Variants in IRX2 observed in about 807,000 individuals in gnomAD.
The protein encoded by IRX2 is iroquois homeobox 2.
IRX2 carries 26 observed loss-of-function variants against 42.9 expected under a neutral mutation model. That is an observed-to-expected ratio of 0.61 (90% confidence interval 0.44 to 0.84). The LOEUF (loss-of-function observed/expected upper bound fraction) is 0.84. Ranked by LOEUF, IRX2 falls within the 40% of genes least tolerant of loss-of-function variation. The pLI is 0.00. For missense variants in IRX2, 782 were observed against 713.9 expected (o/e 1.10, Z -1.09); for synonymous variants, 424 against 353.9 (o/e 1.20, Z -2.22).
the IRX2 span, chr5:2,736,952 C>T: frequency 6.6e-6 from 1 of 152,190 alleles, no homozygotes; most frequent in Admixed American, 6.5e-5. Context: ...TATCTAGCAG[C>T]TGATTTACAA....
rs1301247057 is a variant in IRX2 at position 2,748,333 on chromosome 5, C to G, written c.1363+12G>C. 13 of 1,392,604 alleles carry G rather than the reference C, an allele frequency of 9.3e-6. No homozygotes were observed. Among genetic ancestry groups the G allele is most frequent in the African/African-American group, 3.1e-5 (2 of 65,414 alleles). 86.3% of individuals were successfully genotyped at this position (1,392,604 alleles called of 1,614,324 possible). ...CTCCCCTCCCGGGCGCCGCCGGCCG[C>G]GGGCCGCCTACCTTTCTTGGGCTCG... On this transcript the variant is annotated intron_variant, in intron 3 of 3. Transcript: ENST00000302057.
rs1003126402 is a variant in IRX2 at position 2,751,044 on chromosome 5, G to C, written c.249+121C>G. 2 of 1,125,156 alleles carry C rather than the reference G, an allele frequency of 1.8e-6. No individual in the cohort carries two copies. Among genetic ancestry groups the C allele is most frequent in the African/African-American group, 1.6e-5 (1 of 60,988 alleles). The allele number at this position is 1,125,156 out of a possible 1,614,324, so 69.7% of individuals were successfully genotyped here. A position where few individuals can be genotyped will look rare whatever the true frequency, so the allele number is the denominator to read the frequency against. ...GCGGCCAACCGAGCCGGCGACTCCT[G>C]AGTCGCCAGCCGCGCCACATTCCCG... On this transcript the variant is annotated intron_variant, in intron 1 of 3. Transcript: ENST00000302057. The surrounding 1 kb of genome is among the most constrained non-coding windows in gnomAD (Gnocchi z 4.0).
At position 2,746,988 on chromosome 5, in the gene IRX2, T is replaced by C. The variant is rs1298021374; in HGVS notation, c.*576A>G. 2.0e-5 allele frequency: 3 copies of C among 152,266 alleles called. No individual in the cohort carries two copies. Among genetic ancestry groups the C allele is most frequent in the Admixed American group, 6.6e-5 (1 of 15,264 alleles). The allele number at this position is 152,266 out of a possible 1,614,324, so 9.4% of individuals were successfully genotyped here. A position where few individuals can be genotyped will look rare whatever the true frequency, so the allele number is the denominator to read the frequency against. ...GGAGAATGTCAGAGTCCTGTCCACT[T>C]GGACATGGGTGGAGGGGAGGTTGGA... On this transcript the variant is annotated 3_prime_UTR_variant, in exon 4 of 4. Transcript: ENST00000302057.
At chr5:2,745,559 C>A (rs1193378086), downstream of IRX2, among the ~76,000 whole-genome samples, 2 of 152,142 alleles carry the variant, frequency 1.3e-5, no homozygotes, top group African/African-American at 2.4e-5. Flanking sequence ...TTAAAGGTTT[C>A]TTTTCCCCCA....
At chr5:2,742,839 C>T (rs2111436532), downstream of IRX2, among the ~76,000 whole-genome samples, 1 of 152,118 alleles carries the variant, frequency 6.6e-6, no homozygotes, top group South Asian at 2.1e-4. Context: ...TTTAATTAGG[C>T]TGTAACAGTG....
chr5:2,738,732 T>G, the IRX2 span, among the ~76,000 whole-genome samples: 2 of 151,530 alleles, frequency 1.3e-5, no homozygotes, highest in African/African-American at 4.9e-5. Context: ...CGCTTGGGCC[T>G]CCCTCCTCCT....
Position 2,748,439 on chromosome 5 carries a change from G to T in IRX2, c.1269C>A (p.Thr423=), listed in dbSNP as rs768779959. The T allele has an allele frequency of 9.0e-6, 14 of 1,554,548 alleles. No homozygotes were observed. Among genetic ancestry groups the T allele is most frequent in the African/African-American group, 1.4e-5 (1 of 70,146 alleles). The change falls in exon 3 of 4, where the codon ACC becomes ACA. Residue 423 remains threonine, a synonymous_variant. Coordinates refer to ENST00000302057, the MANE Select transcript of IRX2 (RefSeq NM_033267.5). ...CCGCGTCGCTGGCCGCCTTTGGCGCGGTGTGCAGGGCCTCGCCGGGGGCCG... is the reference window on the plus strand; with the variant it reads ...CCGCGTCGCTGGCCGCCTTTGGCGCTGTGTGCAGGGCCTCGCCGGGGGCCG... The part of the protein sequence containing the change: ...AAAAPGEALH[T]APKAASDAGK...
rs1442597646 is a variant in IRX2 at position 2,748,739 on chromosome 5, G to A, written c.969C>T (p.Pro323=). The part of the protein sequence containing the change: ...GSRTSPGAPP[P]ASKPKLWSLA... Reference sequence around the variant, plus strand: ...GCGACCACAGCTTGGGCTTGCTGGCGGGGGGCGGCGCGCCCGGAGACGTCC... The same window carrying A: ...GCGACCACAGCTTGGGCTTGCTGGCAGGGGGCGGCGCGCCCGGAGACGTCC... The change falls in exon 3 of 4, where the codon CCC becomes CCT. Residue 323 remains proline (P), a synonymous_variant. Transcript: ENST00000302057. 3.1e-5 allele frequency: 43 copies of A among 1,367,064 alleles called. No individual in the cohort carries two copies. Among genetic ancestry groups the A allele is most frequent in the Non-Finnish European group, 3.9e-5 (42 of 1,065,692 alleles). 84.7% of individuals were successfully genotyped at this position (1,367,064 alleles called of 1,614,324 possible). A position where few individuals can be genotyped will look rare whatever the true frequency, so the allele number is the denominator to read the frequency against.
chr5:2,750,348 C>T (rs184954822), intron 1 of IRX2, among the ~76,000 whole-genome samples: 1 of 152,268 alleles, frequency 6.6e-6, no homozygotes, highest in Non-Finnish European at 1.5e-5. Flanking sequence ...GAGGCATTTG[C>T]AGCCTTCGCC....
chr5:2,749,567 G>A lies in IRX2; in HGVS notation c.470C>T (p.Thr157Ile). ...GAACCAGGTGGAGACCTGGGTGAGG[G>A]TCATCTTGGTGATGATGGCTAGCAT... ...KIMLAIITKM[T>I]LTQVSTWFAN... Residue 157 changes from threonine (T) to isoleucine (I), a missense_variant, in exon 2 of 4, where the codon ACC becomes ATC. Around this residue, in one of 3 missense-constraint regions of IRX2, gnomAD observed 256 missense variants for 250.0 expected, o/e 1.02. Coordinates refer to ENST00000302057, the MANE Select transcript of IRX2 (RefSeq NM_033267.5). 1.2e-6 allele frequency: 2 copies of A among 1,614,244 alleles called. No individual in the cohort carries two copies. The highest frequency in any genetic ancestry group is 1.7e-6 in the Non-Finnish European group (2 of 1,180,044).
downstream of IRX2, chr5:2,745,926 TTA>T (rs2111439862): frequency 6.6e-6 from 1 of 152,264 alleles, no homozygotes; most frequent in East Asian, 1.9e-4. Context: ...CACAAAAATC[TTA>T]TGTTTTTTGG....
At chr5:2,745,537 G>C (rs1477354592), downstream of IRX2, among the ~76,000 whole-genome samples, 1 of 152,144 alleles carries the variant, frequency 6.6e-6, no homozygotes, top group African/African-American at 2.4e-5. Context: ...AGAGGCAGTA[G>C]TCTAAGGTTG....
chr5:2,745,631 T>C (rs998843857), downstream of IRX2, among the ~76,000 whole-genome samples: 1 of 152,218 alleles, frequency 6.6e-6, no homozygotes, highest in Non-Finnish European at 1.5e-5. Flanking sequence ...CACCCGAGGT[T>C]TAATGTGCAT....
In IRX2 at chr5:2,748,400, C is replaced by T; in HGVS notation, c.1308G>A (p.Ala436=). 4 of 1,485,560 alleles carry T rather than the reference C, an allele frequency of 2.7e-6. No homozygotes were observed. The highest frequency in any genetic ancestry group is 1.3e-5 in the South Asian group (1 of 77,586). 92.0% of individuals were successfully genotyped at this position (1,485,560 alleles called of 1,614,324 possible). A position where few individuals can be genotyped will look rare whatever the true frequency, so the allele number is the denominator to read the frequency against. ...KAASDAGKAG[A]HPLESHYRSP... ...ACCGGTAGTGGGACTCGAGCGGGTG[C>T]GCGCCCGCCTTGCCCGCGTCGCTGG... Residue 436 remains alanine, a synonymous_variant, in exon 3 of 4, where the codon GCG becomes GCA. Coordinates refer to ENST00000302057, the MANE Select transcript of IRX2 (RefSeq NM_033267.5).
At chr5:2,738,488 C>T in the IRX2 span, among the ~76,000 whole-genome samples, 1,183 of 152,192 alleles carry the variant, frequency 7.8e-3, 15 homozygotes, top group South Asian at 0.063. Context: ...GAGCCTGATT[C>T]GCCCCCCTGT....
downstream of IRX2, among the ~76,000 whole-genome samples, chr5:2,743,880 T>C (rs1161726615): frequency 6.6e-6 from 1 of 152,170 alleles, no homozygotes; most frequent in Non-Finnish European, 1.5e-5. Flanking sequence ...TTTAGGTTCT[T>C]AGTGTATATT....
downstream of IRX2, among the ~76,000 whole-genome samples, chr5:2,742,325 T>C (rs1231184447): frequency 6.6e-6 from 1 of 152,250 alleles, no homozygotes; most frequent in Non-Finnish European, 1.5e-5. Context: ...GGCCAATAGA[T>C]AGTAATTTTC....
chr5:2,749,522 A>G lies in IRX2; in HGVS notation c.515T>C (p.Leu172Pro). The change falls in exon 2 of 4, where the codon CTC (leucine) becomes CCC (proline). Residue 172 changes from leucine (L) to proline (P), a missense_variant. Physicochemically the swap from Leu to Pro is moderately conservative, Grantham distance 98 (BLOSUM62 -3). Transcript: ENST00000302057. ...CCAGGTCATCTTGTTCTCCTTCTTG[A>G]GGCGCCGGCGCGCGTTGGCGAACCA... ...STWFANARRRLKKENKMTWAP... is the reference protein window; with the variant it reads ...STWFANARRRPKKENKMTWAP... 3 of 1,613,878 alleles carry G rather than the reference A, an allele frequency of 1.9e-6. No homozygotes were observed. Among genetic ancestry groups the G allele is most frequent in the Non-Finnish European group, 2.5e-6 (3 of 1,179,956 alleles).
At chr5:2,743,491 G>A (rs995118493), downstream of IRX2, among the ~76,000 whole-genome samples, 3 of 148,280 alleles carry the variant, frequency 2.0e-5, no homozygotes, top group East Asian at 2.0e-4. Flanking sequence ...GGGCCGCGGA[G>A]AGCAGAAGGG....
Sources: gnomAD v4.1 joint callset for allele counts (sites outside exome capture counted in the v4.1 genomes callset) on GRCh38, gnomAD v4.1.1 for gene constraint, gnomAD v4.1.1 regional missense constraint, Gnocchi (gnomAD v3.1) non-coding constraint, MANE v1.5 for transcripts, NCBI Gene and HGNC (gene_info 2026-07-23, HGNC 2026-07-21) for gene names.